The following SMIM31 variants were observed in gnomAD, a reference collection of about 807,000 sequenced individuals.
The protein encoded by SMIM31 is human epithelial cell program regulator.
intron 1 of SMIM31, among the ~76,000 whole-genome samples, chr4:164,767,311 G>A (rs985556413): frequency 3.3e-5 from 5 of 152,064 alleles, no homozygotes; most frequent in African/African-American, 1.2e-4. Flanking sequence ...AGGTAACCAG[G>A]CTTTAGTCAC....
Position 164,770,456 on chromosome 4 carries a change from T to C in SMIM31, c.13T>C (p.Tyr5His), listed in dbSNP as rs1732785582. The C allele has an allele frequency of 2.5e-6, 1 of 398,914 alleles. No homozygotes were observed. The highest frequency in any genetic ancestry group is 4.4e-6 in the Non-Finnish European group (1 of 226,044). The allele number at this position is 398,914 out of a possible 1,614,324, so 24.7% of individuals were successfully genotyped here. A position where few individuals can be genotyped will look rare whatever the true frequency, so the allele number is the denominator to read the frequency against. MELP[Y>H]TNLEMAFILL... is the part of the protein sequence containing the mutation. Reference sequence around the variant, plus strand: ...TCGGTGGTGGTTCATGGAGCTTCCCTACACCAACTTGGAAATGGCATTCAT... The same window carrying C: ...TCGGTGGTGGTTCATGGAGCTTCCCCACACCAACTTGGAAATGGCATTCAT... The change falls in exon 2 of 3, where the codon TAC becomes CAC. Residue 5 changes from tyrosine to histidine, a missense_variant. Coordinates refer to ENST00000507311, the MANE Select transcript of SMIM31 (RefSeq NM_001352885.1).
chr4:164,782,793 A>G (rs1732972744), intron 2 of SMIM31, among the ~76,000 whole-genome samples: 1 of 152,164 alleles, frequency 6.6e-6, no homozygotes, highest in South Asian at 2.1e-4. Context: ...GTTTAACTAA[A>G]GTTCTCTGTC....
At position 164,802,764 on chromosome 4, in the gene SMIM31, C is replaced by A. The variant is rs1329720436; in HGVS notation, c.*1570C>A. 1 of 152,224 alleles carries A rather than the reference C, an allele frequency of 6.6e-6. No homozygotes were observed. Among genetic ancestry groups the A allele is most frequent in the South Asian group, 2.1e-4 (1 of 4,834 alleles). The allele number at this position is 152,224 out of a possible 1,614,324, so 9.4% of individuals were successfully genotyped here. A position where few individuals can be genotyped will look rare whatever the true frequency, so the allele number is the denominator to read the frequency against. On this transcript the variant is annotated 3_prime_UTR_variant, in exon 3 of 3. Transcript: ENST00000507311. ...AAGATTCAATAAAGATGGCTTTCTGCCATACAGAGATAGGCATACTAGTGT... is the reference window on the plus strand; with the variant it reads ...AAGATTCAATAAAGATGGCTTTCTGACATACAGAGATAGGCATACTAGTGT...
intron 1 of SMIM31, among the ~76,000 whole-genome samples, chr4:164,758,111 AT>A (rs987272437): frequency 6.6e-6 from 1 of 152,006 alleles, no homozygotes; most frequent in East Asian, 1.9e-4. Context: ...TATCTTCTCT[AT>A]TTTTGTTAAT....
In SMIM31 at chr4:164,801,358, G is replaced by A. The variant is rs1049036581; in HGVS notation, c.*164G>A. The A allele has an allele frequency of 1.0e-5, 4 of 385,294 alleles. No homozygotes were observed. The highest frequency in any genetic ancestry group is 4.1e-5 in the African/African-American group (2 of 48,238). The allele number at this position is 385,294 out of a possible 1,614,324, so 23.9% of individuals were successfully genotyped here. A position where few individuals can be genotyped will look rare whatever the true frequency, so the allele number is the denominator to read the frequency against. ...TTAATGAACTCAATACTCGGGAAAG[G>A]CTTCACATTTCTGGGACTCAGCATT... On this transcript the variant is annotated 3_prime_UTR_variant, in exon 3 of 3. Coordinates refer to ENST00000507311, the MANE Select transcript of SMIM31 (RefSeq NM_001352885.1).
chr4:164,798,224 ATTTTTATTTTTTT>A (rs1343115167), intron 2 of SMIM31, among the ~76,000 whole-genome samples: 1 of 85,734 alleles, frequency 1.2e-5, no homozygotes, highest in Non-Finnish European at 2.8e-5. Flanking sequence ...TGATATAATG[ATTTTTATTTTTTT>A]TTTTTATTTT....
At chr4:164,772,639 C>T (rs1411015462) in intron 2 of SMIM31, among the ~76,000 whole-genome samples, 11 of 147,892 alleles carry the variant, frequency 7.4e-5, no homozygotes, top group East Asian at 6.1e-4. Flanking sequence ...AGTGCAGTGG[C>T]GCGATCTCGA....
chr4:164,768,102 G>A (rs1732743901), intron 1 of SMIM31, among the ~76,000 whole-genome samples: 1 of 151,910 alleles, frequency 6.6e-6, no homozygotes, highest in South Asian at 2.1e-4. Context: ...GGGCGTAACA[G>A]TGCATGCCTG....
intron 1 of SMIM31, among the ~76,000 whole-genome samples, chr4:164,755,003 C>A (rs970412572): frequency 6.9e-6 from 1 of 145,286 alleles, no homozygotes; most frequent in Non-Finnish European, 1.5e-5. Context: ...GAAATACTGT[C>A]ATTTATCTGC....
intron 2 of SMIM31, among the ~76,000 whole-genome samples, chr4:164,782,995 G>A (rs187526468): frequency 1.2e-4 from 18 of 151,996 alleles, no homozygotes; most frequent in Middle Eastern, 6.8e-3. Context: ...CGAGGTGGGC[G>A]GATCACGAGG....
intron 1 of SMIM31, among the ~76,000 whole-genome samples, chr4:164,766,821 G>T (rs1338600449): frequency 6.6e-6 from 1 of 151,686 alleles, no homozygotes; most frequent in African/African-American, 2.4e-5. Context: ...GAAGAAAAAT[G>T]CAATGGAGAA....
intron 2 of SMIM31, among the ~76,000 whole-genome samples, chr4:164,778,379 A>C (rs1732904877): frequency 6.6e-6 from 1 of 152,180 alleles, no homozygotes; most frequent in Admixed American, 6.5e-5. Flanking sequence ...CAAAATCAAC[A>C]TTAAGCACAA....
intron 1 of SMIM31, among the ~76,000 whole-genome samples, chr4:164,768,296 A>G (rs929533310): frequency 6.6e-6 from 1 of 151,308 alleles, no homozygotes; most frequent in African/African-American, 2.4e-5. Flanking sequence ...AGGGAAAGAG[A>G]GAGAGAGAGG....
intron 1 of SMIM31, among the ~76,000 whole-genome samples, chr4:164,762,198 TA>T (rs1732659813): frequency 6.6e-6 from 1 of 151,002 alleles, no homozygotes; most frequent in African/African-American, 2.4e-5. Context: ...AAGGGGACTA[TA>T]AATATATCTT....
intron 1 of SMIM31, among the ~76,000 whole-genome samples, chr4:164,760,206 G>T (rs1341937518): frequency 6.6e-6 from 1 of 152,176 alleles, no homozygotes; most frequent in African/African-American, 2.4e-5. Context: ...CATTTGCAAG[G>T]ATACTGGCTT....
intron 2 of SMIM31, among the ~76,000 whole-genome samples, chr4:164,789,961 G>T (rs1733078847): frequency 6.6e-6 from 1 of 152,156 alleles, no homozygotes; most frequent in Admixed American, 6.5e-5. Context: ...GTTATACGTA[G>T]AAGAGGACTT....
At chr4:164,800,392 G>A (rs1054342640) in intron 2 of SMIM31, among the ~76,000 whole-genome samples, 1 of 152,046 alleles carries the variant, frequency 6.6e-6, no homozygotes, top group African/African-American at 2.4e-5. Flanking sequence ...ATTTTTAGTA[G>A]AGATGGGATT....
At chr4:164,764,863 A>T (rs1732699734) in intron 1 of SMIM31, among the ~76,000 whole-genome samples, 1 of 152,324 alleles carries the variant, frequency 6.6e-6, no homozygotes, top group South Asian at 2.1e-4. Context: ...TAGGAATCAC[A>T]TGGTAATAGT....
intron 2 of SMIM31, among the ~76,000 whole-genome samples, chr4:164,776,669 G>T (rs1036276078): frequency 2.6e-5 from 4 of 152,040 alleles, no homozygotes; most frequent in African/African-American, 4.8e-5. Context: ...ATGCAGATTT[G>T]GTCTGTTTAA....
Sources: allele counts gnomAD v4.1 joint callset (sites outside exome capture counted in the v4.1 genomes callset), GRCh38; gene constraint gnomAD v4.1.1; transcripts MANE v1.5; gene names NCBI Gene and HGNC (gene_info 2026-07-23, HGNC 2026-07-21).